The following COL21A1 variants were observed in gnomAD, a reference collection of about 807,000 sequenced individuals.
COL21A1 encodes collagen type XXI alpha 1 chain.
In COL21A1, 149 loss-of-function variants were observed where a neutral mutation model predicts 137.9. The observed-to-expected ratio is 1.08, with a 90% CI of 0.95 to 1.24. The LOEUF (loss-of-function observed/expected upper bound fraction) is 1.24, where lower values mean the gene tolerates loss of function less well. Among genes scored for constraint, COL21A1 ranks in the 50% most tolerant of loss-of-function variants. COL21A1 has a pLI of 0.00. For synonymous variants in COL21A1, 456 were observed against 391.5 expected (o/e 1.16, Z -1.95); for missense variants, 1,167 against 1,158.4 (o/e 1.01, Z -0.11).
At chr6:56,291,028 G>A (rs753516619) in intron 1 of COL21A1, among the ~76,000 whole-genome samples, 8 of 152,118 alleles carry the variant, frequency 5.3e-5, no homozygotes, top group Admixed American at 1.3e-4. Flanking sequence ...TTACCCGGGA[G>A]CTTGTCAGAA....
intron 17 of COL21A1, among the ~76,000 whole-genome samples, chr6:56,079,670 A>G (rs1283595818): frequency 6.6e-6 from 1 of 151,566 alleles, no homozygotes; most frequent in Admixed American, 6.6e-5. Flanking sequence ...CATTATTTCA[A>G]TATATCTGCT....
intron 1 of COL21A1, among the ~76,000 whole-genome samples, chr6:56,336,278 A>G (rs1161074365): frequency 1.3e-5 from 2 of 152,198 alleles, no homozygotes; most frequent in African/African-American, 4.8e-5. Flanking sequence ...TTTGAGAACA[A>G]CTGGAATACT....
intron 22 of COL21A1, among the ~76,000 whole-genome samples, chr6:56,068,343 T>C (rs890232855): frequency 2.0e-5 from 3 of 151,614 alleles, no homozygotes; most frequent in Admixed American, 6.6e-5. Context: ...GATTTACTTT[T>C]AACCTGAAAC....
chr6:56,390,113 C>T (rs575199389), intron 1 of COL21A1, among the ~76,000 whole-genome samples: 4 of 151,992 alleles, frequency 2.6e-5, no homozygotes, highest in African/African-American at 9.6e-5. Context: ...AAAGAATAAC[C>T]ACAACAACTT....
At chr6:56,240,370 A>G (rs1217738424) in intron 1 of COL21A1, among the ~76,000 whole-genome samples, 1 of 152,174 alleles carries the variant, frequency 6.6e-6, no homozygotes, top group Admixed American at 6.5e-5. Flanking sequence ...TCCACCTGAC[A>G]ACAGAACTGC....
At chr6:56,361,567 G>T (rs933576980) in intron 1 of COL21A1, among the ~76,000 whole-genome samples, 4 of 152,116 alleles carry the variant, frequency 2.6e-5, no homozygotes, top group Admixed American at 6.6e-5. Context: ...GTTACTACAG[G>T]AAGATAAAGA....
intron 14 of COL21A1, among the ~76,000 whole-genome samples, 160 bp from the exon 15 acceptor site, chr6:56,124,452 C>A (rs1440928087): frequency 1.3e-5 from 2 of 152,052 alleles, no homozygotes; most frequent in East Asian, 1.9e-4. Context: ...TTTTACCAAC[C>A]CAGTGGATGC....
At chr6:56,099,619 A>T (rs1770261838) in intron 17 of COL21A1, among the ~76,000 whole-genome samples, 1 of 150,440 alleles carries the variant, frequency 6.6e-6, no homozygotes. Flanking sequence ...TCTTCCCATT[A>T]ACCTTTCCTT....
chr6:56,155,094 A>G (rs1043652055), intron 10 of COL21A1, among the ~76,000 whole-genome samples: 2 of 151,860 alleles, frequency 1.3e-5, no homozygotes, highest in Non-Finnish European at 2.9e-5. Flanking sequence ...AATAAGCTCC[A>G]GTGTGTGTTG....
At chr6:56,200,325 T>C (rs1779298103) in intron 1 of COL21A1, among the ~76,000 whole-genome samples, 1 of 152,162 alleles carries the variant, frequency 6.6e-6, no homozygotes, top group African/African-American at 2.4e-5. Context: ...ATTATTATAC[T>C]TTAAGTTTTA....
intron 29 of COL21A1, among the ~76,000 whole-genome samples, chr6:56,058,119 A>G (rs111654061): frequency 6.8e-4 from 104 of 152,190 alleles, no homozygotes; most frequent in African/African-American, 2.3e-3. Flanking sequence ...AGCTAACATT[A>G]TAATATTCCA....
chr6:56,090,224 C>T (rs919228508), intron 17 of COL21A1, among the ~76,000 whole-genome samples: 1 of 152,022 alleles, frequency 6.6e-6, no homozygotes, highest in Non-Finnish European at 1.5e-5. Flanking sequence ...GGCAACAGAG[C>T]AAGACTCCAT....
At position 56,179,899 on chromosome 6, in the gene COL21A1, T is replaced by G. The variant is rs1368717968; in HGVS notation, c.319A>C (p.Ile107Leu). 1.2e-5 allele frequency: 19 copies of G among 1,613,800 alleles called. No individual in the cohort carries two copies. Among genetic ancestry groups the G allele is most frequent in the Non-Finnish European group, 1.6e-5 (19 of 1,179,860 alleles). The change falls in exon 3 of 30, where the codon ATA becomes CTA. Residue 107 changes from isoleucine to leucine, a missense_variant. Coordinates refer to ENST00000244728, the MANE Select transcript of COL21A1 (RefSeq NM_030820.4). ...GEHLTAAVES[I>L]LYLGGNTKTG... ...TTTGTGTTTCCTCCTAAGTAGAGTA[T>G]GGATTCCACTGCTGCCGTCAAATGT... is the stretch of plus-strand genomic sequence containing the variant.
intron 12 of COL21A1, among the ~76,000 whole-genome samples, chr6:56,135,174 A>G (rs1773894950): frequency 6.6e-6 from 1 of 152,150 alleles, no homozygotes; most frequent in South Asian, 2.1e-4. Flanking sequence ...CTCTATGGCT[A>G]AAATTCCAAA....
intron 16 of COL21A1, among the ~76,000 whole-genome samples, chr6:56,102,470 T>C (rs1197538523): frequency 6.6e-6 from 1 of 152,118 alleles, no homozygotes; most frequent in East Asian, 1.9e-4. Flanking sequence ...AAAGAACATT[T>C]TATCCTAGAT....
intron 1 of COL21A1, among the ~76,000 whole-genome samples, chr6:56,391,063 T>C (rs770900525): frequency 2.6e-5 from 4 of 152,166 alleles, no homozygotes; most frequent in Non-Finnish European, 4.4e-5. Flanking sequence ...ATAGACCATA[T>C]GGTAGGTCAC....
In COL21A1 at chr6:56,177,378, G is replaced by C. The variant is rs957140744; in HGVS notation, c.640+2200C>G. 6.6e-5 allele frequency among the ~76,000 whole-genome samples: 10 copies of C among 152,120 alleles called. 1 individual carries two copies. The highest frequency in any genetic ancestry group is 2.4e-4 in the African/African-American group (10 of 41,428). On this transcript the variant is annotated intron_variant, in intron 3 of 29. Transcript: ENST00000244728. ...ACACTTCAACATAGAAGTTAAGTAT[G>C]TGTCAAAGAAAAAGCATGTGAATTT...
chr6:56,159,935 A>C (rs1776068913), intron 9 of COL21A1, among the ~76,000 whole-genome samples: 1 of 152,192 alleles, frequency 6.6e-6, no homozygotes, highest in Admixed American at 6.5e-5. Flanking sequence ...CAAATGAAAA[A>C]ATTACCCACA....
chr6:56,220,771 A>G (rs959442368), intron 1 of COL21A1, among the ~76,000 whole-genome samples: 7 of 152,166 alleles, frequency 4.6e-5, no homozygotes, highest in Admixed American at 1.3e-4. Flanking sequence ...GGAACCAGGC[A>G]ATGGACTAAG....
Sources: allele counts gnomAD v4.1 joint callset (sites outside exome capture counted in the v4.1 genomes callset), GRCh38; gene constraint gnomAD v4.1.1; transcripts MANE v1.5; gene names NCBI Gene and HGNC (gene_info 2026-07-23, HGNC 2026-07-21).